The following CADM4 variants were observed in gnomAD, a reference collection of about 807,000 sequenced individuals.
The protein encoded by CADM4 is TSLC1-like 2.
Under a neutral mutation model 43.9 loss-of-function variants are expected in CADM4, and 13 were observed. The observed-to-expected ratio is 0.30, with a 90% CI of 0.19 to 0.47. The LOEUF is 0.47. Among genes scored for constraint, CADM4 ranks in the 20% least tolerant of loss-of-function variants. The pLI is 1.00. For missense variants in CADM4, 420 were observed against 527.0 expected, an observed-to-expected ratio of 0.80 and a Z score of 1.99; for synonymous variants, 209 against 220.9, an observed-to-expected ratio of 0.95 and a Z score of 0.48.
chr19:43,641,563 G>T (rs1973771721), upstream of CADM4, among the ~76,000 whole-genome samples: 1 of 152,080 alleles, frequency 6.6e-6, no homozygotes, highest in Admixed American at 6.6e-5. Context: ...ATGGCTCCCA[G>T]CATCCTCTCT....
Position 43,627,429 on chromosome 19 carries a change from T to C in CADM4, c.212-111A>G. 1 of 1,347,532 alleles carries C rather than the reference T, an allele frequency of 7.4e-7. No homozygotes were observed. Among genetic ancestry groups the C allele is most frequent in the Non-Finnish European group, 1.0e-6 (1 of 1,004,192 alleles). 83.5% of individuals were successfully genotyped at this position (1,347,532 alleles called of 1,614,324 possible). On this transcript the variant is annotated intron_variant, in intron 2 of 8. Transcript: ENST00000222374. The surrounding 1 kb of genome is among the most constrained non-coding windows in gnomAD (Gnocchi z 4.0). ...CCTCTGCCTCTTTTCTCCAGCCATA[T>C]CTATGAGTCTGAGGTGTCCAACTAT...
Position 43,623,969 on chromosome 19 carries a change from C to T in CADM4, c.1057+145G>A. ...TCGAGTATTGTGCCGAAAGCCCCGC[C>T]CCCTTTGTCATCTCCGCCCCCGGTG... On this transcript the variant is annotated intron_variant, in intron 8 of 8. Coordinates refer to ENST00000222374, the MANE Select transcript of CADM4 (RefSeq NM_145296.2). The surrounding 1 kb of genome is among the most constrained non-coding windows in gnomAD (Gnocchi z 4.4). 1 of 961,284 alleles carries T rather than the reference C, an allele frequency of 1.0e-6. No homozygotes were observed. Among genetic ancestry groups the T allele is most frequent in the Non-Finnish European group, 1.6e-6 (1 of 641,064 alleles). The allele number at this position is 961,284 out of a possible 1,614,324, so 59.5% of individuals were successfully genotyped here.
At chr19:43,631,198 A>G (rs1001152694) in intron 1 of CADM4, among the ~76,000 whole-genome samples, 1 of 152,018 alleles carries the variant, frequency 6.6e-6, no homozygotes, top group African/African-American at 2.4e-5. Context: ...AAAATTAGCC[A>G]GGTGTGGTGG....
chr19:43,640,369 T>C (rs895457332), upstream of CADM4, among the ~76,000 whole-genome samples: 2 of 151,344 alleles, frequency 1.3e-5, no homozygotes, highest in African/African-American at 4.9e-5. Flanking sequence ...GTCTGGAGTC[T>C]AGCGAGAGGC....
At chr19:43,632,523 C>T (rs1044266155) in intron 1 of CADM4, among the ~76,000 whole-genome samples, 1 of 152,144 alleles carries the variant, frequency 6.6e-6, no homozygotes, top group Non-Finnish European at 1.5e-5. Flanking sequence ...CTTCAAGGTG[C>T]TATATGGCCT....
intron 1 of CADM4, among the ~76,000 whole-genome samples, chr19:43,630,428 G>A (rs1483842571): frequency 6.6e-6 from 1 of 151,458 alleles, no homozygotes; most frequent in Non-Finnish European, 1.5e-5. Flanking sequence ...TGGGATTATA[G>A]GCACCTGCCA....
chr19:43,629,229 G>C (rs1973580383), intron 1 of CADM4, among the ~76,000 whole-genome samples: 1 of 152,158 alleles, frequency 6.6e-6, no homozygotes. Flanking sequence ...GAGGAGGGCA[G>C]AATCACAAGC....
At chr19:43,635,470 C>T (rs1003175562) in intron 1 of CADM4, among the ~76,000 whole-genome samples, 5 of 149,210 alleles carry the variant, frequency 3.4e-5, no homozygotes, top group South Asian at 2.1e-4. Flanking sequence ...AGTGGAATCC[C>T]CCGCCTCCAG....
intron 1 of CADM4, among the ~76,000 whole-genome samples, chr19:43,637,220 G>A (rs146508163): frequency 1.1e-3 from 165 of 152,214 alleles, no homozygotes; most frequent in African/African-American, 3.5e-3. Flanking sequence ...TTAAAATGGC[G>A]CAAATGCACC....
intron 1 of CADM4, among the ~76,000 whole-genome samples, chr19:43,630,287 T>TTC (rs1301245189): frequency 7.3e-6 from 1 of 136,990 alleles, no homozygotes; most frequent in Non-Finnish European, 1.6e-5. Flanking sequence ...TTTTCTTTTT[T>TTC]TTTTTTTTTT....
rs139859732 is a variant in CADM4, at chr19:43,626,167, G to A, written c.621C>T (p.Pro207=). ...ACTGCGTCTGCTTGCTGTGTCCGGA[G>A]GGCAGCGCCTGGTTCTGCGCCTCAC... is the stretch of plus-strand genomic sequence containing the variant. ...IICEAQNQAL[P]SGHSKQTQYV... Residue 207 remains proline (P), a synonymous_variant, in exon 5 of 9, where the codon CCC becomes CCT. Coordinates refer to ENST00000222374, the MANE Select transcript of CADM4 (RefSeq NM_145296.2). This position sits in a 1 kb window ranked among gnomAD's most constrained non-coding sequence, Gnocchi z 5.9. 3.8e-5 allele frequency: 62 copies of A among 1,613,966 alleles called. No individual in the cohort carries two copies. The African/African-American group carries it at 7.6e-4, about 20-fold the overall frequency.
intron 1 of CADM4, among the ~76,000 whole-genome samples, chr19:43,633,115 C>T (rs1973651733): frequency 6.6e-6 from 1 of 151,802 alleles, no homozygotes; most frequent in Admixed American, 6.5e-5. Flanking sequence ...GCTCTGTCAC[C>T]CAGGCTGGAG....
chr19:43,623,282 G>C lies in CADM4; in HGVS notation c.*48C>G, dbSNP rs1170873200. ...GCTGGTTCCTTGCAGCTGGCAGTGG[G>C]GGGGACCCCAGCCCAGGCCCAGGCC... On this transcript the variant is annotated 3_prime_UTR_variant, in exon 9 of 9. Coordinates refer to ENST00000222374, the MANE Select transcript of CADM4 (RefSeq NM_145296.2). This position sits in a 1 kb window ranked among gnomAD's most constrained non-coding sequence, Gnocchi z 4.4. 1.4e-6 allele frequency: 2 copies of C among 1,422,210 alleles called. No homozygotes were observed. Among genetic ancestry groups the C allele is most frequent in the East Asian group, 2.3e-5 (1 of 44,010 alleles). 88.1% of individuals were successfully genotyped at this position (1,422,210 alleles called of 1,614,324 possible).
At chr19:43,630,186 T>C (rs1028722188) in intron 1 of CADM4, among the ~76,000 whole-genome samples, 6 of 151,772 alleles carry the variant, frequency 4.0e-5, no homozygotes, top group African/African-American at 1.5e-4. Flanking sequence ...ATTACAGGCA[T>C]GAGCCACTGT....
intron 1 of CADM4, among the ~76,000 whole-genome samples, chr19:43,635,628 A>T (rs1327030862): frequency 2.7e-5 from 4 of 146,706 alleles, no homozygotes; most frequent in Non-Finnish European, 6.0e-5. Context: ...GGGGTCTAAG[A>T]CCCCAGCCTC....
rs1252712367 is a variant in CADM4 at position 43,624,393 on chromosome 19, C to T, written c.929-151G>A. ...AAAAATTACTGCCACCTTGTAGTCT[C>T]TTCTCTTTCCAGATGCTTGTTGGTT... On this transcript the variant is annotated intron_variant, in intron 7 of 8. Coordinates refer to ENST00000222374, the MANE Select transcript of CADM4 (RefSeq NM_145296.2). 22 of 896,308 alleles carry T rather than the reference C, an allele frequency of 2.5e-5. No individual in the cohort carries two copies. In the East Asian group the frequency reaches 5.6e-4, roughly 23 times the overall value. 55.5% of individuals were successfully genotyped at this position (896,308 alleles called of 1,614,324 possible).
rs1973484078 is a variant in CADM4 at position 43,624,097 on chromosome 19, G to A, written c.1057+17C>T. ...TACAACCAACCAACCGTAGAGTCCA[G>A]GCCCCGTCCCACTCACCCTTCTGCC... is the stretch of plus-strand genomic sequence containing the variant. On this transcript the variant is annotated intron_variant, in intron 8 of 8. Coordinates refer to ENST00000222374, the MANE Select transcript of CADM4 (RefSeq NM_145296.2). 5 of 1,613,984 alleles carry A rather than the reference G, an allele frequency of 3.1e-6. No individual in the cohort carries two copies. The East Asian group carries it at 1.1e-4, about 36-fold the overall frequency.
In CADM4 at chr19:43,639,829, C is replaced by A. The variant is rs886793730; in HGVS notation, c.-39G>T. On this transcript the variant is annotated 5_prime_UTR_variant, in exon 1 of 9. Coordinates refer to ENST00000222374, the MANE Select transcript of CADM4 (RefSeq NM_145296.2). ...CCGCCGCCGCCGCTCGCTCCCGGCC[C>A]GGCACCTGCACCGCCCGCGCCGCCC... The A allele has an allele frequency of 5.1e-6, 5 of 989,596 alleles. No individual in the cohort carries two copies. The highest frequency in any genetic ancestry group is 9.0e-5 in the South Asian group (2 of 22,236). The allele number at this position is 989,596 out of a possible 1,614,324, so 61.3% of individuals were successfully genotyped here. A position where few individuals can be genotyped will look rare whatever the true frequency, so the allele number is the denominator to read the frequency against.
In CADM4 at chr19:43,625,032, C is replaced by G; in HGVS notation, c.928+46G>C. 7.3e-7 allele frequency: 1 copy of G among 1,367,810 alleles called. No homozygotes were observed. The highest frequency in any genetic ancestry group is 9.7e-7 in the Non-Finnish European group (1 of 1,028,008). The allele number at this position is 1,367,810 out of a possible 1,614,324, so 84.7% of individuals were successfully genotyped here. A position where few individuals can be genotyped will look rare whatever the true frequency, so the allele number is the denominator to read the frequency against. ...CTTTGCTCAAGCCCCGCCCCCGCCA[C>G]CTGGCGCCCCGCCCCCGCCCTCAGT... On this transcript the variant is annotated intron_variant, in intron 7 of 8. Coordinates refer to ENST00000222374, the MANE Select transcript of CADM4 (RefSeq NM_145296.2). The surrounding 1 kb of genome is among the most constrained non-coding windows in gnomAD (Gnocchi z 4.5).
Sources: allele counts gnomAD v4.1 joint callset (sites outside exome capture counted in the v4.1 genomes callset), GRCh38; gene constraint gnomAD v4.1.1; non-coding constraint Gnocchi (gnomAD v3.1); transcripts MANE v1.5; gene names NCBI Gene and HGNC (gene_info 2026-07-23, HGNC 2026-07-21).